The following MARCHF1 variants were observed in gnomAD, a reference collection of about 807,000 sequenced individuals.
MARCHF1 encodes E3 ubiquitin-protein ligase MARCHF1.
MARCHF1 carries 40 observed loss-of-function variants against 54.2 expected under a neutral mutation model. That is an observed-to-expected ratio of 0.74 (90% CI 0.57 to 0.96). The LOEUF is 0.96. Ranked by LOEUF, MARCHF1 falls within the 40% of genes least tolerant of loss-of-function variation. The pLI is 0.00. For synonymous variants in MARCHF1, 236 were observed against 236.3 expected (o/e 1.00, Z 0.01); for missense variants, 586 against 656.5 (o/e 0.89, Z 1.17).
At chr4:163,656,277 C>A (rs558087916) in intron 5 of MARCHF1, among the ~76,000 whole-genome samples, 83 of 151,892 alleles carry the variant, frequency 5.5e-4, no homozygotes, top group Non-Finnish European at 1.2e-3. Context: ...ACTATAAATA[C>A]CTCTATGCAA....
rs138562975 is a variant in MARCHF1, at chr4:163,825,840, G to A, written c.111+28181C>T. ...AAATGGTAAGATAAATCAGCTACTA[G>A]CAATTCATTTTTCACCTCTCCCTAT... On this transcript the variant is annotated intron_variant, in intron 4 of 9. Transcript: ENST00000514618. 1.9e-3 allele frequency among the ~76,000 whole-genome samples: 284 copies of A among 151,752 alleles called. 1 individual carries two copies. Among genetic ancestry groups the A allele is most frequent in the African/African-American group, 6.2e-3 (255 of 41,370 alleles).
At chr4:164,172,839 C>T (rs1315859464) in intron 1 of MARCHF1, among the ~76,000 whole-genome samples, 2 of 151,912 alleles carry the variant, frequency 1.3e-5, no homozygotes, top group Non-Finnish European at 2.9e-5. Flanking sequence ...TAGCCGGGCC[C>T]ACGTGGTGGC....
chr4:164,126,540 A>C (rs112983628), intron 1 of MARCHF1, among the ~76,000 whole-genome samples: 10 of 152,326 alleles, frequency 6.6e-5, no homozygotes, highest in African/African-American at 1.9e-4. Context: ...GAAAATGTGG[A>C]AGTGGCTTTG....
chr4:164,002,286 G>A (rs147165256), intron 2 of MARCHF1, among the ~76,000 whole-genome samples: 1 of 151,340 alleles, frequency 6.6e-6, no homozygotes, highest in Non-Finnish European at 1.5e-5. Flanking sequence ...AAATGGAGAC[G>A]ATTAAGTTAG....
intron 2 of MARCHF1, among the ~76,000 whole-genome samples, chr4:164,096,529 C>T (rs897676756): frequency 1.3e-5 from 2 of 151,450 alleles, no homozygotes; most frequent in African/African-American, 2.4e-5. Flanking sequence ...TGAAATACAC[C>T]CTTGTAACAG....
chr4:163,850,051 G>A (rs1358099959), intron 4 of MARCHF1, among the ~76,000 whole-genome samples: 1 of 152,134 alleles, frequency 6.6e-6, no homozygotes, highest in Non-Finnish European at 1.5e-5. Flanking sequence ...ACTAGAGGTC[G>A]GGAGGAGAAA....
chr4:163,754,893 A>C (rs1465058966), intron 4 of MARCHF1, among the ~76,000 whole-genome samples: 1 of 152,144 alleles, frequency 6.6e-6, no homozygotes, highest in African/African-American at 2.4e-5. Context: ...GGGGAGAATG[A>C]AGAGGGGAGA....
Position 164,165,362 on chromosome 4 carries a change from G to GTCTC in MARCHF1, c.-322-53704_-322-53701dup, listed in dbSNP as rs55721102. On this transcript the variant is annotated intron_variant, in intron 1 of 9. Transcript: ENST00000514618. ...AGAAACACAAGCACGTTTTCTCTCT[G>GTCTC]TCTCTCTCTCTCTCTCTCTCTGCCT... Among the ~76,000 whole-genome samples the GTCTC allele has an allele frequency of 5.5e-4, 82 of 148,750 alleles. No individual in the cohort carries two copies. The Middle Eastern group carries it at 0.011, about 19-fold the overall frequency.
At chr4:163,763,700 T>C (rs1746896025) in intron 4 of MARCHF1, among the ~76,000 whole-genome samples, 2 of 152,076 alleles carry the variant, frequency 1.3e-5, no homozygotes, top group Non-Finnish European at 2.9e-5. Context: ...TTTGGAAATG[T>C]TATGTACCGT....
At chr4:164,328,719 G>A (rs1579724486) in intron 1 of MARCHF1, among the ~76,000 whole-genome samples, 1 of 151,966 alleles carries the variant, frequency 6.6e-6, no homozygotes, top group African/African-American at 2.4e-5. Context: ...TAGTAAAGAC[G>A]GGGTTTCACC....
intron 1 of MARCHF1, among the ~76,000 whole-genome samples, chr4:164,253,703 C>T (rs949277836): frequency 1.3e-5 from 2 of 152,026 alleles, no homozygotes; most frequent in Admixed American, 6.6e-5. Flanking sequence ...TGAAAACTTA[C>T]ATTCACATGA....
chr4:163,783,524 C>T (rs567146929), intron 4 of MARCHF1, among the ~76,000 whole-genome samples: 1 of 152,300 alleles, frequency 6.6e-6, no homozygotes, highest in East Asian at 1.9e-4. Flanking sequence ...TGTCCTTATC[C>T]TAGCCTGAGA....
At chr4:163,552,877 C>CA (rs567254083) in intron 8 of MARCHF1, among the ~76,000 whole-genome samples, 93 of 152,070 alleles carry the variant, frequency 6.1e-4, no homozygotes, top group Middle Eastern at 3.4e-3. Flanking sequence ...ACTAAAAATA[C>CA]AAAAAATCAG....
rs141173935 is a variant in MARCHF1, at chr4:164,281,376, C to T, written c.-323+102494G>A. ...AAGAGAATGTAGTATATTAGGCACTCTGATAGGAATAAAACACACTGCCTG... is the reference window on the plus strand; with the variant it reads ...AAGAGAATGTAGTATATTAGGCACTTTGATAGGAATAAAACACACTGCCTG... On this transcript the variant is annotated intron_variant, in intron 1 of 9. Coordinates refer to ENST00000514618, the MANE Select transcript of MARCHF1 (RefSeq NM_001394959.1). 1.9e-3 allele frequency among the ~76,000 whole-genome samples: 282 copies of T among 152,242 alleles called. 1 individual carries two copies. The highest frequency in any genetic ancestry group is 6.6e-3 in the African/African-American group (273 of 41,542).
intron 3 of MARCHF1, among the ~76,000 whole-genome samples, chr4:163,954,950 T>G (rs1752202342): frequency 6.6e-6 from 1 of 152,030 alleles, no homozygotes; most frequent in Middle Eastern, 3.2e-3. Context: ...AATGTTAATC[T>G]TTTTACAAAA....
At chr4:163,555,826 G>A in intron 8 of MARCHF1, 1 of 398,134 alleles carries the variant, frequency 2.5e-6, no homozygotes, top group Non-Finnish European at 5.2e-6. Context: ...GCCCATTTCT[G>A]TTGTGGGCTC....
chr4:164,165,774 T>G (rs1730365206), intron 1 of MARCHF1, among the ~76,000 whole-genome samples: 1 of 151,960 alleles, frequency 6.6e-6, no homozygotes, highest in Admixed American at 6.6e-5. Context: ...CCTTAAATTC[T>G]GCTTCCATCA....
intron 3 of MARCHF1, among the ~76,000 whole-genome samples, chr4:163,859,947 C>T (rs1487388828): frequency 2.6e-5 from 4 of 152,168 alleles, no homozygotes; most frequent in African/African-American, 9.7e-5. Context: ...CAGCACACAG[C>T]TTGGGCCAAT....
At chr4:164,245,221 C>A (rs1043823234) in intron 1 of MARCHF1, among the ~76,000 whole-genome samples, 1 of 152,118 alleles carries the variant, frequency 6.6e-6, no homozygotes, top group East Asian at 1.9e-4. Context: ...AAAATACTGG[C>A]AAAATGAATC....
Sources: gnomAD v4.1 joint callset for allele counts (sites outside exome capture counted in the v4.1 genomes callset) on GRCh38, gnomAD v4.1.1 for gene constraint, MANE v1.5 for transcripts, NCBI Gene and HGNC (gene_info 2026-07-23, HGNC 2026-07-21) for gene names.